The following PDE8A variants were observed in gnomAD, a reference collection of about 807,000 sequenced individuals.
PDE8A encodes the protein phosphodiesterase 8A, also known as high affinity cAMP-specific and IBMX-insensitive 3',5'-cyclic phosphodiesterase 8A.
Under a neutral mutation model 105.0 loss-of-function variants are expected in PDE8A, and 59 were observed. The ratio of observed to expected loss-of-function variants is 0.56; its 90% confidence interval spans 0.46 to 0.70. The LOEUF (loss-of-function observed/expected upper bound fraction) is 0.70. PDE8A is among the 30% of genes least tolerant of loss of function. The pLI is 0.00. For missense variants in PDE8A, 1,014 were observed against 1,045.9 expected (o/e 0.97, Z 0.42); for synonymous variants, 355 against 371.9 (o/e 0.95, Z 0.52).
intron 1 of PDE8A, among the ~76,000 whole-genome samples, chr15:85,012,440 T>C (rs1473019351): frequency 6.7e-6 from 1 of 149,804 alleles, no homozygotes; most frequent in Non-Finnish European, 1.5e-5. Flanking sequence ...CAGTAAACTA[T>C]CACAAGGACA....
chr15:85,114,152 T>G, intron 14 of PDE8A, 115 bp downstream of exon 14: 8 of 865,252 alleles, frequency 9.2e-6, no homozygotes, highest in Non-Finnish European at 1.4e-5. Flanking sequence ...TAGGGTTCAG[T>G]CAAGACCTAA....
At chr15:85,014,804 T>C (rs1257011056) in intron 1 of PDE8A, among the ~76,000 whole-genome samples, 1 of 152,206 alleles carries the variant, frequency 6.6e-6, no homozygotes, top group Non-Finnish European at 1.5e-5. Flanking sequence ...CTCGCCCTTA[T>C]AAAGTAGACA....
At chr15:85,065,121 G>A (rs1007477757) in intron 2 of PDE8A, among the ~76,000 whole-genome samples, 4 of 152,052 alleles carry the variant, frequency 2.6e-5, no homozygotes, top group Non-Finnish European at 5.9e-5. Flanking sequence ...GGCATGTTTA[G>A]TGTTCATTTT....
intron 1 of PDE8A, among the ~76,000 whole-genome samples, chr15:85,011,855 A>C (rs968154680): frequency 3.3e-5 from 5 of 152,234 alleles, no homozygotes; most frequent in Non-Finnish European, 1.5e-5. Flanking sequence ...TACAAGAAAA[A>C]AAACAAACAA....
chr15:85,099,903 A>C, intron 9 of PDE8A, 112 bp from the exon 10 acceptor site: 1 of 780,788 alleles, frequency 1.3e-6, no homozygotes, highest in Non-Finnish European at 2.1e-6. Context: ...ATGTTCTCAG[A>C]GCGTTTTGTG....
At chr15:85,003,683 C>G (rs1003248647) in intron 1 of PDE8A, among the ~76,000 whole-genome samples, 3 of 152,308 alleles carry the variant, frequency 2.0e-5, no homozygotes, top group South Asian at 2.1e-4. Context: ...TCCACTTACT[C>G]TGTTTGCTAA....
intron 1 of PDE8A, among the ~76,000 whole-genome samples, chr15:84,985,975 A>G (rs1361809724): frequency 2.0e-5 from 3 of 152,202 alleles, no homozygotes; most frequent in African/African-American, 7.2e-5. Context: ...CTATAGTCCC[A>G]GCACTTTGGG....
chr15:85,126,187 GA>G lies in PDE8A; in HGVS notation c.2086-18del. ...CCAAGGGATCCATTTTGATTGCTTT[GA>G]ATTCCACTCATGTTTCAGGAAACTG... On this transcript the variant is annotated intron_variant, in intron 19 of 21. Coordinates refer to ENST00000394553, the MANE Select transcript of PDE8A (RefSeq NM_002605.3). 1 of 1,593,790 alleles carries G rather than the reference GA, an allele frequency of 6.3e-7. No homozygotes were observed. Among genetic ancestry groups the G allele is most frequent in the Non-Finnish European group, 8.6e-7 (1 of 1,167,482 alleles).
chr15:85,018,641 T>C (rs1161410145), intron 1 of PDE8A, among the ~76,000 whole-genome samples: 2 of 152,222 alleles, frequency 1.3e-5, no homozygotes. Flanking sequence ...GGATAATTCC[T>C]GGAAATAGAG....
At chr15:85,089,616 A>C (rs576247871) in intron 7 of PDE8A, among the ~76,000 whole-genome samples, 200 bp downstream of exon 7, 3 of 152,156 alleles carry the variant, frequency 2.0e-5, no homozygotes, top group Non-Finnish European at 4.4e-5. Flanking sequence ...ACTAATAATT[A>C]AGGTGCTAGA....
At chr15:85,001,746 A>T (rs1321815717) in intron 1 of PDE8A, among the ~76,000 whole-genome samples, 1 of 152,194 alleles carries the variant, frequency 6.6e-6, no homozygotes, top group Non-Finnish European at 1.5e-5. Context: ...TGTGGCACAA[A>T]CACACTTTCT....
intron 1 of PDE8A, among the ~76,000 whole-genome samples, chr15:85,043,717 A>G (rs1327999870): frequency 1.4e-5 from 2 of 146,732 alleles, no homozygotes; most frequent in Non-Finnish European, 2.9e-5. Flanking sequence ...TGTTTTTTTG[A>G]GGCAGGGTCT....
intron 3 of PDE8A, among the ~76,000 whole-genome samples, chr15:85,071,107 A>G (rs1596489107): frequency 6.6e-6 from 1 of 152,362 alleles, no homozygotes; most frequent in African/African-American, 2.4e-5. Flanking sequence ...AAGGATAGGA[A>G]TCTCTACTGT....
Position 85,067,006 on chromosome 15 carries a change from T to C in PDE8A, c.244-8T>C. On this transcript the variant is annotated splice_region_variant and splice_polypyrimidine_tract_variant and intron_variant, in intron 2 of 21. Transcript: ENST00000394553. ...TTTAAAAAAAGTGTTTGTGCTCTTT[T>C]GATTCAGGTACTTTTAGTGTTTACC... 6.4e-7 allele frequency: 1 copy of C among 1,569,752 alleles called. No individual in the cohort carries two copies. The highest frequency in any genetic ancestry group is 8.6e-7 in the Non-Finnish European group (1 of 1,157,236).
intron 1 of PDE8A, among the ~76,000 whole-genome samples, chr15:84,996,794 C>T (rs2079984359): frequency 7.3e-6 from 1 of 136,528 alleles, no homozygotes; most frequent in African/African-American, 2.9e-5. Flanking sequence ...CCACTGCACT[C>T]CATCCTGGAC....
chr15:85,028,252 T>C (rs2080551550), intron 1 of PDE8A, among the ~76,000 whole-genome samples: 1 of 152,246 alleles, frequency 6.6e-6, no homozygotes, highest in Admixed American at 6.5e-5. Context: ...CTTGCTCTTA[T>C]CACTCAGGCT....
At chr15:85,044,852 C>A (rs189708633) in intron 1 of PDE8A, among the ~76,000 whole-genome samples, 198 of 152,318 alleles carry the variant, frequency 1.3e-3, no homozygotes, top group African/African-American at 4.6e-3. Context: ...TGTATAAAAC[C>A]TTTAAGCGGC....
chr15:85,004,454 A>G (rs771493677), intron 1 of PDE8A, among the ~76,000 whole-genome samples: 1 of 152,190 alleles, frequency 6.6e-6, no homozygotes, highest in Non-Finnish European at 1.5e-5. Context: ...AGTGAGGACA[A>G]AGCCAACTCC....
chr15:85,073,458 T>G (rs772397926), intron 3 of PDE8A, among the ~76,000 whole-genome samples: 53 of 152,198 alleles, frequency 3.5e-4, no homozygotes, highest in Non-Finnish European at 6.8e-4. Flanking sequence ...TCCCTTCCAC[T>G]TTATCCTTAA....
Sources: allele counts gnomAD v4.1 joint callset (sites outside exome capture counted in the v4.1 genomes callset), GRCh38; gene constraint gnomAD v4.1.1; transcripts MANE v1.5; gene names NCBI Gene and HGNC (gene_info 2026-07-23, HGNC 2026-07-21).